Variants in CNTNAP2 observed in about 807,000 individuals in gnomAD.
CNTNAP2 encodes the protein contactin associated protein 2, also known as contactin-associated protein-like 2.
A neutral mutation model predicts 155.2 loss-of-function variants in CNTNAP2; 98 were observed. The ratio of observed to expected loss-of-function variants is 0.63; its 90% CI spans 0.54 to 0.75. CNTNAP2 has a LOEUF of 0.75. Among genes scored for constraint, CNTNAP2 ranks in the 30% least tolerant of loss-of-function variants. CNTNAP2 has a pLI of 0.00. For synonymous variants in CNTNAP2, 651 were observed against 631.2 expected (o/e 1.03, Z -0.47); for missense variants, 1,727 against 1,688.1 (o/e 1.02, Z -0.40).
At chr7:146,729,728 T>A (rs188404336) in intron 1 of CNTNAP2, among the ~76,000 whole-genome samples, 8 of 152,254 alleles carry the variant, frequency 5.3e-5, no homozygotes, top group African/African-American at 1.4e-4. Context: ...CTTATCTCTT[T>A]ATTGTTTACA....
chr7:147,099,442 A>T (rs543179481), intron 4 of CNTNAP2, among the ~76,000 whole-genome samples: 1 of 152,240 alleles, frequency 6.6e-6, no homozygotes, highest in Admixed American at 6.5e-5. Context: ...GGCAGCTCCA[A>T]GAAATGACAC....
At chr7:147,550,012 A>G (rs1799820239) in intron 11 of CNTNAP2, among the ~76,000 whole-genome samples, 1 of 152,162 alleles carries the variant, frequency 6.6e-6, no homozygotes, top group South Asian at 2.1e-4. Flanking sequence ...GAATATCACA[A>G]TTTTCATAGA....
At position 148,383,821 on chromosome 7, in the gene CNTNAP2, C is replaced by G. The variant is rs1252540894; in HGVS notation, c.3648C>G (p.Ala1216=). ...QGELVESNCG[A]SPLTLSPMSS... ...AGCTGGTGGAGTCCAACTGCGGGGC[C>G]TCGCCGCTGACCCTCTCCCCCATGT... The change falls in exon 22 of 24, where the codon GCC becomes GCG. Residue 1216 remains alanine (A), a synonymous_variant. Transcript: ENST00000361727. 2 of 1,614,134 alleles carry G rather than the reference C, an allele frequency of 1.2e-6. No homozygotes were observed. The highest frequency in any genetic ancestry group is 1.7e-6 in the Non-Finnish European group (2 of 1,180,034).
chr7:147,902,015 T>C (rs916378305), intron 13 of CNTNAP2, among the ~76,000 whole-genome samples: 14 of 152,240 alleles, frequency 9.2e-5, no homozygotes, highest in Non-Finnish European at 1.6e-4. Context: ...AAGTTTGTGC[T>C]TAGCTCCAAT....
At chr7:148,400,694 G>C (rs1799563320) in intron 22 of CNTNAP2, among the ~76,000 whole-genome samples, 1 of 152,102 alleles carries the variant, frequency 6.6e-6, no homozygotes, top group South Asian at 2.1e-4. Context: ...TATGTAAAGA[G>C]TTGTTGGCCA....
At chr7:147,548,334 A>G (rs1799783167) in intron 11 of CNTNAP2, among the ~76,000 whole-genome samples, 1 of 152,058 alleles carries the variant, frequency 6.6e-6, no homozygotes, top group Non-Finnish European at 1.5e-5. Flanking sequence ...TGTGGTTTAG[A>G]TTTGCATTTC....
chr7:148,138,321 G>A (rs747915123), intron 16 of CNTNAP2, among the ~76,000 whole-genome samples: 1 of 152,146 alleles, frequency 6.6e-6, no homozygotes, highest in African/African-American at 2.4e-5. Context: ...CTTCAGCTTG[G>A]TCTGTGTTGA....
chr7:146,326,077 A>T (rs932650526), intron 1 of CNTNAP2, among the ~76,000 whole-genome samples: 1 of 152,236 alleles, frequency 6.6e-6, no homozygotes, highest in South Asian at 2.1e-4. Flanking sequence ...ATAGGTAATT[A>T]TTAAGTGCTT....
chr7:148,344,402 C>T (rs1257189748), intron 21 of CNTNAP2, among the ~76,000 whole-genome samples: 1 of 152,188 alleles, frequency 6.6e-6, no homozygotes, highest in Non-Finnish European at 1.5e-5. Flanking sequence ...CCAGTCCCTG[C>T]TCAGAGTCCT....
chr7:146,158,134 G>C (rs565965245), intron 1 of CNTNAP2, among the ~76,000 whole-genome samples: 4 of 152,302 alleles, frequency 2.6e-5, no homozygotes, highest in South Asian at 2.1e-4. Flanking sequence ...GTTGTGGAGT[G>C]GACCTCCAGC....
At chr7:147,389,148 AG>A (rs1178614870) in intron 9 of CNTNAP2, among the ~76,000 whole-genome samples, 2 of 152,044 alleles carry the variant, frequency 1.3e-5, no homozygotes, top group Non-Finnish European at 2.9e-5. Context: ...TAAGTTATTC[AG>A]GAAGGTTGAG....
chr7:147,575,319 ATGTGTGTG>A (rs5888272), intron 12 of CNTNAP2, among the ~76,000 whole-genome samples: 91 of 124,378 alleles, frequency 7.3e-4, no homozygotes, highest in Non-Finnish European at 4.4e-4. Context: ...GGGTATATAT[ATGTGTGTG>A]TGTGTGTGTG....
intron 12 of CNTNAP2, among the ~76,000 whole-genome samples, chr7:147,612,945 C>A (rs10226013): frequency 5.9e-4 from 90 of 152,018 alleles, no homozygotes; most frequent in Admixed American, 5.4e-3. Context: ...CCACTCTTGT[C>A]GGCTGGCCTT....
intron 3 of CNTNAP2, among the ~76,000 whole-genome samples, chr7:147,018,866 TG>T (rs1207138309): frequency 2.0e-5 from 3 of 152,014 alleles, no homozygotes; most frequent in Non-Finnish European, 2.9e-5. Flanking sequence ...AAAAGGAGTT[TG>T]AGACCTTATC....
At chr7:148,319,767 A>T (rs1482705733) in intron 21 of CNTNAP2, among the ~76,000 whole-genome samples, 1 of 151,822 alleles carries the variant, frequency 6.6e-6, no homozygotes, top group African/African-American at 2.4e-5. Context: ...CACCCCTGAG[A>T]TGGGACCATC....
intron 13 of CNTNAP2, among the ~76,000 whole-genome samples, chr7:147,688,633 T>G (rs151222767): frequency 0.016 from 2,510 of 152,252 alleles, 225 homozygotes; most frequent in Admixed American, 0.15. Context: ...GAATAAAAAT[T>G]CAAGTCTAAG....
intron 2 of CNTNAP2, among the ~76,000 whole-genome samples, chr7:146,821,755 A>G (rs1414324347): frequency 1.3e-5 from 2 of 152,114 alleles, no homozygotes; most frequent in Non-Finnish European, 2.9e-5. Flanking sequence ...AGAAATGCAA[A>G]TCAAAACCAC....
chr7:148,060,672 C>G (rs1803112290), intron 15 of CNTNAP2, among the ~76,000 whole-genome samples: 2 of 152,234 alleles, frequency 1.3e-5, no homozygotes, highest in South Asian at 4.1e-4. Flanking sequence ...AGTTAATAGA[C>G]AAGGTAAAAT....
At chr7:147,775,186 T>G (rs1797540924) in intron 13 of CNTNAP2, among the ~76,000 whole-genome samples, 1 of 140,930 alleles carries the variant, frequency 7.1e-6, no homozygotes, top group Non-Finnish European at 1.5e-5. Context: ...CAGTTTTGTG[T>G]TTTTTGCCAA....
Sources: gnomAD v4.1 joint callset for allele counts (sites outside exome capture counted in the v4.1 genomes callset) on GRCh38, gnomAD v4.1.1 for gene constraint, MANE v1.5 for transcripts, NCBI Gene and HGNC (gene_info 2026-07-23, HGNC 2026-07-21) for gene names.